JPH1: variants seen among roughly 807,000 people sequenced by gnomAD.
The protein encoded by JPH1 is junctophilin 1.
A neutral mutation model predicts 53.6 loss-of-function variants in JPH1; 12 were observed. The observed-to-expected ratio is 0.22, with a 90% confidence interval of 0.14 to 0.36. The LOEUF is 0.36. Ranked by LOEUF, JPH1 falls within the 10% of genes least tolerant of loss-of-function variation. The pLI is 1.00. For synonymous variants in JPH1, 375 were observed against 363.8 expected, an observed-to-expected ratio of 1.03 and a Z score of -0.35; for missense variants, 808 against 905.5, an observed-to-expected ratio of 0.89 and a Z score of 1.38.
intron 3 of JPH1, among the ~76,000 whole-genome samples, chr8:74,252,664 G>C (rs1272769677): frequency 6.6e-6 from 1 of 152,030 alleles, no homozygotes; most frequent in East Asian, 1.9e-4. Flanking sequence ...CACGTGCAGA[G>C]ACACACATAG....
At chr8:74,278,989 GCACA>G (rs71269980) in intron 2 of JPH1, among the ~76,000 whole-genome samples, 38,330 of 150,858 alleles carry the variant, frequency 0.25, 5,230 homozygotes, top group South Asian at 0.41. Flanking sequence ...GCACACGCGC[GCACA>G]CACACACACA....
intron 1 of JPH1, among the ~76,000 whole-genome samples, chr8:74,318,424 G>A (rs1477509428): frequency 4.6e-5 from 7 of 152,044 alleles, no homozygotes; most frequent in South Asian, 4.2e-4. Flanking sequence ...TTAACAAAAC[G>A]TTGTGTTTTC....
intron 2 of JPH1, among the ~76,000 whole-genome samples, chr8:74,271,522 C>T (rs1424278141): frequency 6.6e-6 from 1 of 152,182 alleles, no homozygotes; most frequent in East Asian, 1.9e-4. Context: ...AAGGATGTGC[C>T]CTCGCCTTAC....
intron 2 of JPH1, among the ~76,000 whole-genome samples, chr8:74,310,071 A>G (rs1807946791): frequency 6.6e-6 from 1 of 152,262 alleles, no homozygotes. Context: ...ACACTGACAA[A>G]GGAAAGACCA....
At chr8:74,279,923 T>C (rs192460509) in intron 2 of JPH1, among the ~76,000 whole-genome samples, 46 of 152,364 alleles carry the variant, frequency 3.0e-4, no homozygotes, top group African/African-American at 1.1e-3. Flanking sequence ...TAAATTCATT[T>C]ATTTGTATAA....
At chr8:74,256,690 C>A (rs562591687) in intron 3 of JPH1, among the ~76,000 whole-genome samples, 1 of 152,086 alleles carries the variant, frequency 6.6e-6, no homozygotes, top group East Asian at 1.9e-4. Context: ...TAGAGAAATG[C>A]GAATCAAAAC....
Position 74,321,490 on chromosome 8 carries a change from C to G in JPH1, c.-203G>C, listed in dbSNP as rs1244184279. 7 of 489,000 alleles carry G rather than the reference C, an allele frequency of 1.4e-5. No homozygotes were observed. In the East Asian group the frequency reaches 2.5e-4, roughly 18 times the overall value. The allele number at this position is 489,000 out of a possible 1,614,324, so 30.3% of individuals were successfully genotyped here. On this transcript the variant is annotated 5_prime_UTR_variant, in exon 1 of 6. Transcript: ENST00000342232. The surrounding 1 kb of genome is among the most constrained non-coding windows in gnomAD (Gnocchi z 4.3). Reference sequence around the variant, plus strand: ...CGCCGCCACCGCCGCCTTCCTCCTCCTCCTCCTCCTCCTTCGCCGCCGCCG... The same window carrying G: ...CGCCGCCACCGCCGCCTTCCTCCTCGTCCTCCTCCTCCTTCGCCGCCGCCG...
At chr8:74,314,759 A>G (rs1808090783) in intron 2 of JPH1, 102 bp downstream of exon 2, 15 of 1,319,922 alleles carry the variant, frequency 1.1e-5, no homozygotes, top group Non-Finnish European at 1.6e-5. Context: ...TAGTAGTTGT[A>G]GAAAGCATTT....
intron 2 of JPH1, among the ~76,000 whole-genome samples, chr8:74,291,458 A>T (rs1473654195): frequency 2.0e-5 from 3 of 152,246 alleles, no homozygotes; most frequent in Non-Finnish European, 2.9e-5. Context: ...AATGGCGATC[A>T]TTAAAAAGTC....
chr8:74,252,238 A>T (rs1806087417), intron 3 of JPH1, among the ~76,000 whole-genome samples: 1 of 152,206 alleles, frequency 6.6e-6, no homozygotes, highest in African/African-American at 2.4e-5. Context: ...AACCTAGGGA[A>T]TACCACTCAG....
Position 74,311,212 on chromosome 8 carries a change from A to G in JPH1, c.1139+3649T>C, listed in dbSNP as rs118143920. ...TCATTGATCATCTCCTTTTGTTGCTAATGATGAACTAGTGACTTCAACAGC... is the reference window on the plus strand; with the variant it reads ...TCATTGATCATCTCCTTTTGTTGCTGATGATGAACTAGTGACTTCAACAGC... On this transcript the variant is annotated intron_variant, in intron 2 of 5. Coordinates refer to ENST00000342232, the MANE Select transcript of JPH1 (RefSeq NM_020647.4). Among the ~76,000 whole-genome samples, 549 of 152,330 alleles carry G rather than the reference A, an allele frequency of 3.6e-3. 1 individual carries two copies. Among genetic ancestry groups the G allele is most frequent in the African/African-American group, 5.1e-3 (212 of 41,576 alleles).
chr8:74,267,758 C>T (rs530869275), intron 2 of JPH1, among the ~76,000 whole-genome samples: 1 of 152,184 alleles, frequency 6.6e-6, no homozygotes, highest in East Asian at 1.9e-4. Context: ...AGGAAAAAGA[C>T]GTTTTACTTG....
chr8:74,308,597 A>C (rs1421674848), intron 2 of JPH1, among the ~76,000 whole-genome samples: 1 of 152,234 alleles, frequency 6.6e-6, no homozygotes, highest in Non-Finnish European at 1.5e-5. Context: ...TGGGTGTACA[A>C]AAGTGAGCAA....
chr8:74,243,099 T>C (rs191729084), intron 4 of JPH1, among the ~76,000 whole-genome samples: 1 of 152,208 alleles, frequency 6.6e-6, no homozygotes, highest in Non-Finnish European at 1.5e-5. Flanking sequence ...CCTTGCATTG[T>C]TTGAATTTTT....
At chr8:74,290,047 G>A (rs1807277628) in intron 2 of JPH1, among the ~76,000 whole-genome samples, 1 of 152,118 alleles carries the variant, frequency 6.6e-6, no homozygotes, top group South Asian at 2.1e-4. Flanking sequence ...ATATCATACT[G>A]AATGGGCAAA....
chr8:74,282,887 A>G (rs1379025424), intron 2 of JPH1, among the ~76,000 whole-genome samples: 1 of 152,240 alleles, frequency 6.6e-6, no homozygotes, highest in Non-Finnish European at 1.5e-5. Flanking sequence ...ATCATTACAC[A>G]TTGTATACAT....
intron 2 of JPH1, among the ~76,000 whole-genome samples, chr8:74,283,066 C>T (rs990274397): frequency 1.3e-5 from 2 of 152,072 alleles, no homozygotes; most frequent in Non-Finnish European, 2.9e-5. Flanking sequence ...ATGCTTGTGA[C>T]AGTAGGGTGT....
At chr8:74,289,547 C>T (rs1244071723) in intron 2 of JPH1, among the ~76,000 whole-genome samples, 2 of 152,106 alleles carry the variant, frequency 1.3e-5, no homozygotes, top group Non-Finnish European at 2.9e-5. Context: ...TTTTCTCATC[C>T]TCTTTGCTCT....
chr8:74,299,749 T>C (rs1214901311), intron 2 of JPH1, among the ~76,000 whole-genome samples: 1 of 152,226 alleles, frequency 6.6e-6, no homozygotes, highest in Non-Finnish European at 1.5e-5. Flanking sequence ...AGGCTTGTTT[T>C]GTTTTTTCCC....
Sources: allele counts gnomAD v4.1 joint callset (sites outside exome capture counted in the v4.1 genomes callset), GRCh38; gene constraint gnomAD v4.1.1; non-coding constraint Gnocchi (gnomAD v3.1); transcripts MANE v1.5; gene names NCBI Gene and HGNC (gene_info 2026-07-23, HGNC 2026-07-21).